Variants in RNF111 observed in about 807,000 individuals in gnomAD.
RNF111 encodes E3 ubiquitin-protein ligase Arkadia.
In RNF111, 17 loss-of-function variants were observed where a neutral mutation model predicts 95.1. The observed-to-expected ratio is 0.18, with a 90% CI of 0.12 to 0.27. The LOEUF (loss-of-function observed/expected upper bound fraction) is 0.27, where lower values mean the gene tolerates loss of function less well. RNF111 is among the 10% of genes least tolerant of loss of function. The pLI is 1.00. For missense variants in RNF111, 1,189 were observed against 1,210.4 expected (o/e 0.98, Z 0.26); for synonymous variants, 440 against 414.8 (o/e 1.06, Z -0.74).
At chr15:59,030,248 T>G (rs2040836906) in intron 1 of RNF111, among the ~76,000 whole-genome samples, 1 of 152,134 alleles carries the variant, frequency 6.6e-6, no homozygotes, top group South Asian at 2.1e-4. Context: ...ATTCAGATTC[T>G]CATTAGAGAA....
At chr15:59,010,512 C>G (rs1416302974) in intron 1 of RNF111, among the ~76,000 whole-genome samples, 2 of 152,096 alleles carry the variant, frequency 1.3e-5, no homozygotes, top group African/African-American at 4.8e-5. Context: ...AGCGATTCTC[C>G]TGCCTCAGCC....
chr15:59,088,719 T>TA, intron 10 of RNF111, among the ~76,000 whole-genome samples: 1 of 152,326 alleles, frequency 6.6e-6, no homozygotes, highest in East Asian at 1.9e-4. Context: ...AAACCTCTGT[T>TA]CACAACTAAT....
intron 1 of RNF111, among the ~76,000 whole-genome samples, chr15:59,003,608 C>A (rs2592092): frequency 0.22 from 33,007 of 151,986 alleles, 3,944 homozygotes; most frequent in East Asian, 0.41. Flanking sequence ...TGCCGTGTTG[C>A]CCAGGCTGGT....
intron 1 of RNF111, among the ~76,000 whole-genome samples, chr15:59,018,619 T>G (rs2040183782): frequency 6.6e-6 from 1 of 152,186 alleles, no homozygotes; most frequent in African/African-American, 2.4e-5. Context: ...GCTATAAATT[T>G]CTACCCTATT....
At chr15:58,993,653 CAGG>C (rs1454228369) in intron 1 of RNF111, among the ~76,000 whole-genome samples, 13 of 152,134 alleles carry the variant, frequency 8.5e-5, no homozygotes, top group Non-Finnish European at 1.9e-4. Flanking sequence ...ATTCAACAAA[CAGG>C]AGTGTTGTAT....
At chr15:59,028,239 A>G (rs559746068) in intron 1 of RNF111, among the ~76,000 whole-genome samples, 201 of 152,110 alleles carry the variant, frequency 1.3e-3, no homozygotes, top group Non-Finnish European at 2.4e-3. Flanking sequence ...GGAATCTTAC[A>G]TTATGTTATC....
rs1322313645 is a variant in RNF111 at position 59,097,122 on chromosome 15, T to C, written c.*2222T>C. Reference sequence around the variant, plus strand: ...AGTTATCGAAAAATGTGATAAGTAATGAAGAAAGTAAGGAAGAAAATGACT... The same window carrying C: ...AGTTATCGAAAAATGTGATAAGTAACGAAGAAAGTAAGGAAGAAAATGACT... On this transcript the variant is annotated 3_prime_UTR_variant, in exon 14 of 14. Transcript: ENST00000348370. 6.6e-6 allele frequency: 1 copy of C among 152,252 alleles called. No individual in the cohort carries two copies. Among genetic ancestry groups the C allele is most frequent in the Non-Finnish European group, 1.5e-5 (1 of 68,042 alleles). 9.4% of individuals were successfully genotyped at this position (152,252 alleles called of 1,614,324 possible). A position where few individuals can be genotyped will look rare whatever the true frequency, so the allele number is the denominator to read the frequency against.
chr15:59,023,792 T>G (rs781713906), intron 1 of RNF111, among the ~76,000 whole-genome samples: 2 of 152,176 alleles, frequency 1.3e-5, no homozygotes, highest in Non-Finnish European at 1.5e-5. Flanking sequence ...TCAGTTTTTT[T>G]CCCCCTGAAT....
chr15:59,021,706 A>G (rs1231126516), intron 1 of RNF111, among the ~76,000 whole-genome samples: 2 of 152,228 alleles, frequency 1.3e-5, no homozygotes, highest in East Asian at 3.8e-4. Flanking sequence ...GGCAGAGTCA[A>G]GACTGTAACT....
rs191856902 is a variant in RNF111 at position 59,054,788 on chromosome 15, A to G, written c.1008-894A>G. 3.1e-4 allele frequency among the ~76,000 whole-genome samples: 47 copies of G among 152,228 alleles called. No homozygotes were observed. The East Asian group carries it at 3.9e-3, about 13-fold the overall frequency. ...CTTAGTGGTTAAGCACCCACCCCCA[A>G]TGACCTTTTATATTACAGATATTTT... On this transcript the variant is annotated intron_variant, in intron 3 of 13. Transcript: ENST00000348370.
chr15:59,029,201 G>C (rs1344786522), intron 1 of RNF111, among the ~76,000 whole-genome samples: 1 of 151,890 alleles, frequency 6.6e-6, no homozygotes, highest in Admixed American at 6.6e-5. Context: ...TCTAACACTT[G>C]TTATTACCTG....
chr15:59,093,756 C>T (rs1368215553), intron 13 of RNF111, among the ~76,000 whole-genome samples: 1 of 151,732 alleles, frequency 6.6e-6, no homozygotes, highest in Non-Finnish European at 1.5e-5. Context: ...TATTATTGCC[C>T]TAATTTATAA....
intron 2 of RNF111, among the ~76,000 whole-genome samples, chr15:59,041,961 A>ATTTTTTTTTT (rs79347638): frequency 6.0e-5 from 6 of 100,100 alleles, no homozygotes; most frequent in Admixed American, 1.0e-4. Flanking sequence ...GTCTGTTCAT[A>ATTTTTTTTTT]TTTTTTTTTT....
intron 1 of RNF111, among the ~76,000 whole-genome samples, chr15:58,992,538 C>A (rs1393293948): frequency 1.3e-5 from 2 of 152,034 alleles, no homozygotes; most frequent in Non-Finnish European, 2.9e-5. Context: ...ATTTTTTTGG[C>A]TGGGCCCAGT....
At position 59,004,416 on chromosome 15, in the gene RNF111, T is replaced by C. The variant is rs192248844; in HGVS notation, c.-20+16348T>C. Among the ~76,000 whole-genome samples the C allele has an allele frequency of 3.6e-3, 541 of 152,320 alleles. 4 individuals carry two copies. The highest frequency in any genetic ancestry group is 0.013 in the African/African-American group (520 of 41,574). Reference sequence around the variant, plus strand: ...ATTCACATTAGGATTAAGGTTACTATTTTTATCTAGAATATGAAATTTGTT... The same window carrying C: ...ATTCACATTAGGATTAAGGTTACTACTTTTATCTAGAATATGAAATTTGTT... On this transcript the variant is annotated intron_variant, in intron 1 of 13. Transcript: ENST00000348370.
intron 5 of RNF111, among the ~76,000 whole-genome samples, chr15:59,065,983 A>G (rs1236823297): frequency 6.6e-6 from 1 of 152,128 alleles, no homozygotes; most frequent in Non-Finnish European, 1.5e-5. Flanking sequence ...AGACTTCACC[A>G]GATACACTCT....
chr15:59,018,760 T>C (rs2040191463), intron 1 of RNF111, among the ~76,000 whole-genome samples: 1 of 152,200 alleles, frequency 6.6e-6, no homozygotes, highest in Admixed American at 6.5e-5. Flanking sequence ...ATACTTTCCA[T>C]AACAGTTTGT....
Position 58,999,142 on chromosome 15 carries a change from C to T in RNF111, c.-20+11074C>T, listed in dbSNP as rs1596033028. 4.6e-5 allele frequency among the ~76,000 whole-genome samples: 7 copies of T among 152,060 alleles called. No individual in the cohort carries two copies. In the South Asian group the frequency reaches 1.5e-3, roughly 32 times the overall value. On this transcript the variant is annotated intron_variant, in intron 1 of 13. Coordinates refer to ENST00000348370, the MANE Select transcript of RNF111 (RefSeq NM_017610.8). ...TTTTCAACTACATATTTGTGTGAAA[C>T]TGGATTTTCTTATAATTTAACCAGA...
intron 1 of RNF111, among the ~76,000 whole-genome samples, chr15:59,001,000 T>C (rs2039301373): frequency 6.6e-6 from 1 of 152,154 alleles, no homozygotes. Context: ...AACTTTTTAT[T>C]TTTTTGCCTT....
Sources: allele counts gnomAD v4.1 joint callset (sites outside exome capture counted in the v4.1 genomes callset), GRCh38; gene constraint gnomAD v4.1.1; transcripts MANE v1.5; gene names NCBI Gene and HGNC (gene_info 2026-07-23, HGNC 2026-07-21).